WDFY3: variants seen among roughly 807,000 people sequenced by gnomAD.
WDFY3 encodes the protein WD repeat and FYVE domain-containing protein 3.
A neutral mutation model predicts 409.6 loss-of-function variants in WDFY3; 66 were observed. The ratio of observed to expected loss-of-function variants is 0.16; its 90% CI spans 0.13 to 0.20. The LOEUF (loss-of-function observed/expected upper bound fraction) is 0.20, where lower values mean the gene tolerates loss of function less well. Ranked by LOEUF, WDFY3 falls within the 10% of genes least tolerant of loss-of-function variation. The pLI is 1.00. For synonymous variants in WDFY3, 1,521 were observed against 1,537.1 expected (o/e 0.99, Z 0.25); for missense variants, 3,031 against 4,298.1 (o/e 0.71, Z 8.24).
At chr4:84,767,091 T>C (rs1287375013) in intron 30 of WDFY3, among the ~76,000 whole-genome samples, 1 of 152,130 alleles carries the variant, frequency 6.6e-6, no homozygotes, top group Non-Finnish European at 1.5e-5. Context: ...CAACCACACA[T>C]ACAGCAAGTC....
intron 19 of WDFY3, among the ~76,000 whole-genome samples, chr4:84,795,619 A>G (rs1225010766): frequency 6.6e-6 from 1 of 152,104 alleles, no homozygotes; most frequent in Non-Finnish European, 1.5e-5. Context: ...AAAATCAGCC[A>G]GGCGCGGTGG....
At chr4:84,950,474 A>C (rs771519194) in intron 1 of WDFY3, among the ~76,000 whole-genome samples, 46 of 152,244 alleles carry the variant, frequency 3.0e-4, no homozygotes, top group Middle Eastern at 6.8e-3. Context: ...GAACTCTTTG[A>C]AAGAAGTAAT....
At chr4:84,809,336 AGTG>A in intron 14 of WDFY3, 14 of 153,082 alleles carry the variant, frequency 9.1e-5, no homozygotes, top group South Asian at 4.1e-4. Context: ...TGCCTAGCAC[AGTG>A]ACTTGGCATG....
intron 3 of WDFY3, chr4:84,879,368 G>A (rs1763186717): frequency 1.3e-5 from 2 of 152,114 alleles, no homozygotes; most frequent in African/African-American, 2.4e-5. Context: ...CTTGATCATT[G>A]ATTCAAAGAA....
intron 2 of WDFY3, among the ~76,000 whole-genome samples, chr4:84,898,469 A>G (rs567389878): frequency 6.6e-4 from 101 of 152,272 alleles, no homozygotes; most frequent in African/African-American, 2.3e-3. Context: ...AAAAAAGCAT[A>G]TCATATCAAC....
At chr4:84,832,545 T>C (rs1034471372) in intron 7 of WDFY3, among the ~76,000 whole-genome samples, 2 of 152,204 alleles carry the variant, frequency 1.3e-5, no homozygotes, top group Admixed American at 6.5e-5. Flanking sequence ...TATACGCTAG[T>C]TACCCTTGAT....
intron 54 of WDFY3, among the ~76,000 whole-genome samples, chr4:84,704,887 G>C (rs1410528685): frequency 6.6e-6 from 1 of 152,178 alleles, no homozygotes; most frequent in Admixed American, 6.5e-5. Context: ...GGAAAAAAGA[G>C]TTCACATAGG....
chr4:84,751,282 C>A, intron 36 of WDFY3: 2 of 608,756 alleles, frequency 3.3e-6, no homozygotes, highest in East Asian at 2.8e-5. Context: ...GAATTAGAGA[C>A]ATCCTTGAGG....
intron 1 of WDFY3, among the ~76,000 whole-genome samples, chr4:84,939,235 T>C (rs1317962134): frequency 2.0e-5 from 3 of 152,194 alleles, no homozygotes; most frequent in Non-Finnish European, 2.9e-5. Context: ...GAATGTTTCC[T>C]CGTGATTAAA....
chr4:84,892,339 C>T (rs913915138), intron 3 of WDFY3, among the ~76,000 whole-genome samples: 7 of 150,312 alleles, frequency 4.7e-5, no homozygotes, highest in African/African-American at 7.4e-5. Context: ...CATGTGTGTG[C>T]GTGCATGTGT....
chr4:84,799,607 T>C (rs1750138553), intron 17 of WDFY3, among the ~76,000 whole-genome samples: 2 of 152,174 alleles, frequency 1.3e-5, no homozygotes, highest in Non-Finnish European at 2.9e-5. Context: ...ATTTCCTGCT[T>C]ATCTGCATGT....
At chr4:84,726,110 T>G (rs529400415) in intron 45 of WDFY3, among the ~76,000 whole-genome samples, 2 of 152,184 alleles carry the variant, frequency 1.3e-5, no homozygotes, top group East Asian at 3.9e-4. Context: ...TTCTTTTATG[T>G]GAGGTATTTT....
intron 12 of WDFY3, among the ~76,000 whole-genome samples, chr4:84,818,030 C>CA (rs1260351264): frequency 3.3e-5 from 5 of 151,966 alleles, no homozygotes; most frequent in Non-Finnish European, 7.4e-5. Flanking sequence ...TACAAGGAAC[C>CA]AACATGTTTT....
intron 1 of WDFY3, among the ~76,000 whole-genome samples, chr4:84,944,523 G>A (rs143861230): frequency 1.9e-3 from 277 of 148,092 alleles, no homozygotes; most frequent in East Asian, 9.2e-3. Flanking sequence ...GAGTCAGACC[G>A]TGTATCAAAA....
intron 10 of WDFY3, among the ~76,000 whole-genome samples, chr4:84,824,475 G>C (rs1754562138): frequency 6.6e-6 from 1 of 152,044 alleles, no homozygotes; most frequent in Non-Finnish European, 1.5e-5. Context: ...CAGTTAAGAG[G>C]GGAGTGATTA....
chr4:84,712,249 G>C (rs1285008658), intron 51 of WDFY3, among the ~76,000 whole-genome samples: 1 of 151,590 alleles, frequency 6.6e-6, no homozygotes, highest in Non-Finnish European at 1.5e-5. Context: ...CCTCAGGCTG[G>C]GAAGTGCTCA....
At chr4:84,764,207 A>G (rs1431066575) in intron 32 of WDFY3, among the ~76,000 whole-genome samples, 2 of 152,228 alleles carry the variant, frequency 1.3e-5, no homozygotes, top group Middle Eastern at 3.2e-3. Context: ...ATTGCTGTCA[A>G]TTAGCATTTA....
chr4:84,868,590 A>G (rs1472748486), intron 3 of WDFY3, among the ~76,000 whole-genome samples: 2 of 152,186 alleles, frequency 1.3e-5, no homozygotes, highest in Non-Finnish European at 2.9e-5. Flanking sequence ...GATTTATTTA[A>G]ACATTTTTTG....
At chr4:84,784,927 C>CACACACA in intron 24 of WDFY3, among the ~76,000 whole-genome samples, 2 of 142,216 alleles carry the variant, frequency 1.4e-5, no homozygotes, top group African/African-American at 5.3e-5. Context: ...CACATACACA[C>CACACACA]CTTGAATCTG....
Sources: allele counts gnomAD v4.1 joint callset (sites outside exome capture counted in the v4.1 genomes callset), GRCh38; gene constraint gnomAD v4.1.1; transcripts MANE v1.5; gene names NCBI Gene and HGNC (gene_info 2026-07-23, HGNC 2026-07-21).